The following SAG variants were observed in gnomAD, a reference collection of about 807,000 sequenced individuals.
SAG encodes the protein S-antigen visual arrestin, also known as S-arrestin.
SAG carries 45 observed loss-of-function variants against 55.0 expected under a neutral mutation model. The ratio of observed to expected loss-of-function variants is 0.82; its 90% CI spans 0.64 to 1.05. The LOEUF is 1.05. Ranked by LOEUF, SAG falls within the 50% of genes least tolerant of loss-of-function variation. The pLI, the probability that SAG is intolerant of heterozygous loss-of-function variation, is 0.00. For synonymous variants in SAG, 189 were observed against 197.4 expected (o/e 0.96, Z 0.36); for missense variants, 455 against 512.1 (o/e 0.89, Z 1.08).
rs528901585 is a variant in SAG at position 233,309,092 on chromosome 2, T to G, written c.-28-70T>G. 1.4e-5 allele frequency: 12 copies of G among 868,968 alleles called. No individual in the cohort carries two copies. In the East Asian group the frequency reaches 3.2e-4, roughly 23 times the overall value. 53.8% of individuals were successfully genotyped at this position (868,968 alleles called of 1,614,324 possible). A position where few individuals can be genotyped will look rare whatever the true frequency, so the allele number is the denominator to read the frequency against. ...TCGTGAGTAGGTTTCATAACTAGGATGTTCTTGACTTGATATTTAGGATTG... is the reference window on the plus strand; with the variant it reads ...TCGTGAGTAGGTTTCATAACTAGGAGGTTCTTGACTTGATATTTAGGATTG... On this transcript the variant is annotated intron_variant, in intron 1 of 15. Transcript: ENST00000409110.
At chr2:233,328,756 A>G (rs1481929378) in intron 8 of SAG, 143 bp downstream of exon 8, 1 of 862,880 alleles carries the variant, frequency 1.2e-6, no homozygotes, top group Non-Finnish European at 1.7e-6. Flanking sequence ...CAACATGCGT[A>G]AGTGACTGGC....
At chr2:233,318,826 T>TTCTGGGCGGAGTGGACTGCTC (rs1559435887) in intron 4 of SAG, 31 bp downstream of exon 4, 1 of 1,604,524 alleles carries the variant, frequency 6.2e-7, no homozygotes, top group Non-Finnish European at 8.5e-7. Flanking sequence ...TCAGGCTGGT[T>TTCTGGGCGGAGTGGACTGCTC]TCTGGGCGGA....
At chr2:233,315,618 G>A (rs1700197077) in intron 2 of SAG, among the ~76,000 whole-genome samples, 2 of 151,728 alleles carry the variant, frequency 1.3e-5, no homozygotes, top group South Asian at 4.2e-4. Context: ...GTGACAAAGA[G>A]GGGCTACCTT....
chr2:233,342,683 C>T (rs575939250), intron 14 of SAG: 47 of 204,624 alleles, frequency 2.3e-4, no homozygotes, highest in South Asian at 1.8e-3. Context: ...TTTTAGAGCA[C>T]GAGGATTTTG....
intron 14 of SAG, 149 bp from the exon 15 acceptor site, chr2:233,346,254 A>G (rs1190757290): frequency 2.6e-6 from 2 of 774,672 alleles, no homozygotes; most frequent in Non-Finnish European, 4.5e-6. Flanking sequence ...CGCAGTGATC[A>G]TGAACTGCAT....
chr2:233,337,301 C>T (rs911865434), intron 11 of SAG, among the ~76,000 whole-genome samples: 3 of 152,142 alleles, frequency 2.0e-5, no homozygotes, highest in South Asian at 2.1e-4. Flanking sequence ...TGCAGTAGCG[C>T]GTTCTTGGCT....
chr2:233,342,198 C>A, intron 13 of SAG, 73 bp from the exon 14 acceptor site: 2 of 1,137,234 alleles, frequency 1.8e-6, no homozygotes, highest in Non-Finnish European at 2.6e-6. Context: ...CTCTCCGCAG[C>A]CATAGGTCTT....
At chr2:233,326,982 G>A (rs184918198) in intron 6 of SAG, 139 bp from the exon 7 acceptor site, 2 of 651,986 alleles carry the variant, frequency 3.1e-6, no homozygotes, top group East Asian at 2.6e-5. Flanking sequence ...TCCCTAAATG[G>A]TGCAACCCCG....
intron 15 of SAG, 40 bp downstream of exon 15, chr2:233,346,452 G>A: frequency 6.2e-7 from 1 of 1,606,020 alleles, no homozygotes. Flanking sequence ...TTTGTCCTAT[G>A]CTCTGGGACC....
At chr2:233,313,260 T>C (rs186246253) in intron 2 of SAG, among the ~76,000 whole-genome samples, 68 of 152,240 alleles carry the variant, frequency 4.5e-4, no homozygotes, top group African/African-American at 1.5e-3. Context: ...AGAAGGGCCT[T>C]CCTTACCGTG....
At chr2:233,321,840 G>A (rs1471710249) in intron 5 of SAG, among the ~76,000 whole-genome samples, 1 of 152,148 alleles carries the variant, frequency 6.6e-6, no homozygotes, top group Non-Finnish European at 1.5e-5. Flanking sequence ...GTGCTCCCAT[G>A]TACCTGTGCT....
chr2:233,318,908 G>A lies in SAG; in HGVS notation c.181+113G>A, dbSNP rs774449436. The A allele has an allele frequency of 4.4e-5, 40 of 909,400 alleles. No individual in the cohort carries two copies. The Admixed American group carries it at 5.2e-4, about 12-fold the overall frequency. 56.3% of individuals were successfully genotyped at this position (909,400 alleles called of 1,614,324 possible). A position where few individuals can be genotyped will look rare whatever the true frequency, so the allele number is the denominator to read the frequency against. On this transcript the variant is annotated intron_variant, in intron 4 of 15. Transcript: ENST00000409110. ...GGAGAGACAGGAAGGCAGAGGCAGC[G>A]CTCTTGCACATGGAACCAGTGCCAG...
chr2:233,341,656 A>G (rs564776731), intron 13 of SAG, among the ~76,000 whole-genome samples: 19 of 152,228 alleles, frequency 1.2e-4, no homozygotes, highest in Non-Finnish European at 1.6e-4. Flanking sequence ...ATCTATAGAG[A>G]TAGAGAACAG....
At position 233,334,993 on chromosome 2, in the gene SAG, A is replaced by G. The variant is rs373986650; in HGVS notation, c.838A>G (p.Lys280Glu). ...EKVPPNSTLTKTLTLLPLLAN... is the reference protein window; with the variant it reads ...EKVPPNSTLTETLTLLPLLAN... ...AGTGCCACCAAACAGCACTTTGACC[A>G]AGACGCTGACGCTGCTGCCCTTGCT... The change falls in exon 11 of 16, where the codon AAG becomes GAG. Residue 280 changes from lysine (K) to glutamate (E), a missense_variant. Transcript: ENST00000409110. The G allele has an allele frequency of 8.7e-6, 14 of 1,613,924 alleles. No individual in the cohort carries two copies. The African/African-American group carries it at 1.2e-4, about 14-fold the overall frequency.
intron 11 of SAG, among the ~76,000 whole-genome samples, chr2:233,338,032 C>T (rs974045591): frequency 2.0e-5 from 3 of 152,224 alleles, no homozygotes; most frequent in East Asian, 1.9e-4. Flanking sequence ...CCTGCTCATT[C>T]ACTTAAACAT....
intron 13 of SAG, among the ~76,000 whole-genome samples, chr2:233,341,811 C>G (rs568172062): frequency 1.3e-5 from 2 of 152,186 alleles, no homozygotes; most frequent in South Asian, 2.1e-4. Context: ...TTTAATGCCA[C>G]CGAATTGTGC....
intron 11 of SAG, among the ~76,000 whole-genome samples, chr2:233,338,339 G>A (rs1371728138): frequency 6.6e-6 from 1 of 152,222 alleles, no homozygotes. Flanking sequence ...GGAGGACTTG[G>A]GGACTTGCAG....
In SAG at chr2:233,346,844, C is replaced by T. The variant is rs1427707173; in HGVS notation, c.1150C>T (p.Arg384Cys). Residue 384 changes from arginine (R) to cysteine (C), a missense_variant, in exon 16 of 16, where the codon CGC becomes TGC. Arg to Cys is a radical substitution (Grantham distance 180). Coordinates refer to ENST00000409110, the MANE Select transcript of SAG (RefSeq NM_000541.5). ...DANLVFEEFA[R>C]HNLKDAGEAE... ...AAATTTAGTTTTTGAGGAGTTTGCT[C>T]GCCATAATCTGAAAGATGCAGGAGA... The T allele has an allele frequency of 1.5e-5, 24 of 1,612,328 alleles. No homozygotes were observed. The highest frequency in any genetic ancestry group is 5.3e-5 in the African/African-American group (4 of 74,858).
chr2:233,336,685 C>G (rs563730403), intron 11 of SAG, among the ~76,000 whole-genome samples: 6 of 152,308 alleles, frequency 3.9e-5, no homozygotes, highest in Admixed American at 6.5e-5. Context: ...AAAGTCCACT[C>G]CACAGCAAAT....
Sources: allele counts gnomAD v4.1 joint callset (sites outside exome capture counted in the v4.1 genomes callset), GRCh38; gene constraint gnomAD v4.1.1; transcripts MANE v1.5; gene names NCBI Gene and HGNC (gene_info 2026-07-23, HGNC 2026-07-21).